The following FZR1 variants were observed in gnomAD, a reference collection of about 807,000 sequenced individuals.
FZR1 encodes fizzy-related protein homolog.
Under a neutral mutation model 63.6 loss-of-function variants are expected in FZR1, and 11 were observed. The observed-to-expected ratio is 0.17, with a 90% confidence interval of 0.11 to 0.29. FZR1 has a LOEUF of 0.29. FZR1 is among the 10% of genes least tolerant of loss of function. The pLI is 1.00. For missense variants in FZR1, 440 were observed against 687.5 expected (o/e 0.64, Z 4.03); for synonymous variants, 328 against 297.9 (o/e 1.10, Z -1.04).
intron 1 of FZR1, among the ~76,000 whole-genome samples, chr19:3,508,982 G>A (rs949063749): frequency 1.3e-5 from 2 of 152,172 alleles, no homozygotes; most frequent in Admixed American, 6.5e-5. Flanking sequence ...GCCCCCTGTT[G>A]GCACTGCCAC....
rs368026864 is a variant in FZR1 at position 3,527,831 on chromosome 19, G to T, written c.654+17G>T. On this transcript the variant is annotated intron_variant, in intron 7 of 13. Transcript: ENST00000441788. ...ACCAGCCAGGTGGGTGCTGCGTGGG[G>T]TGTGCATGTGCATGGGGGCCTCCCC... 4.3e-5 allele frequency: 69 copies of T among 1,592,358 alleles called. No homozygotes were observed. Among genetic ancestry groups the T allele is most frequent in the Non-Finnish European group, 5.5e-5 (64 of 1,163,882 alleles).
At chr19:3,518,968 G>A (rs1188895435) in intron 1 of FZR1, among the ~76,000 whole-genome samples, 1 of 152,242 alleles carries the variant, frequency 6.6e-6, no homozygotes, top group Non-Finnish European at 1.5e-5. Context: ...GCTCACTCCA[G>A]TGGGTGGGTG....
Position 3,506,494 on chromosome 19 carries a change from G to C in FZR1, c.-35+20G>C, listed in dbSNP as rs1410015212. On this transcript the variant is annotated intron_variant, in intron 1 of 13. Coordinates refer to ENST00000441788, the MANE Select transcript of FZR1 (RefSeq NM_016263.4). ...AGCCAGGTGAGGCGGCCGGGGTCGGGGACCCGCCCCCCGGGCCCTAGGCGG... is the reference window on the plus strand; with the variant it reads ...AGCCAGGTGAGGCGGCCGGGGTCGGCGACCCGCCCCCCGGGCCCTAGGCGG... 3 of 151,736 alleles carry C rather than the reference G, an allele frequency of 2.0e-5. No homozygotes were observed. Among genetic ancestry groups the C allele is most frequent in the Non-Finnish European group, 4.4e-5 (3 of 67,862 alleles). The allele number at this position is 151,736 out of a possible 1,614,324, so 9.4% of individuals were successfully genotyped here. A position where few individuals can be genotyped will look rare whatever the true frequency, so the allele number is the denominator to read the frequency against.
At position 3,532,667 on chromosome 19, in the gene FZR1, C is replaced by G; in HGVS notation, c.1242+17C>G. The stretch of plus-strand genomic sequence containing the variant: ...AACGAGCTGGTGAGCACGGGCGGCC[C>G]GGCCTCCCACCAGGCCTCAGGATGT... On this transcript the variant is annotated intron_variant, in intron 11 of 13. Transcript: ENST00000441788. 1.9e-6 allele frequency: 3 copies of G among 1,569,554 alleles called. No individual in the cohort carries two copies. The highest frequency in any genetic ancestry group is 2.3e-5 in the East Asian group (1 of 44,424).
chr19:3,522,533 G>A (rs2083112220), intron 1 of FZR1, among the ~76,000 whole-genome samples: 1 of 152,188 alleles, frequency 6.6e-6, no homozygotes, highest in African/African-American at 2.4e-5. Flanking sequence ...GCCAGCTCTT[G>A]CACACTGCCT....
chr19:3,523,571 C>CG (rs2083123498), intron 2 of FZR1, among the ~76,000 whole-genome samples: 1 of 152,338 alleles, frequency 6.6e-6, no homozygotes, highest in Admixed American at 6.5e-5. Context: ...CCGACTCCTG[C>CG]GGGGGGCTGA....
Position 3,530,867 on chromosome 19 carries a change from G to A in FZR1, c.720+10G>A. 6.2e-7 allele frequency: 1 copy of A among 1,608,472 alleles called. No homozygotes were observed. The highest frequency in any genetic ancestry group is 1.1e-5 in the South Asian group (1 of 90,676). On this transcript the variant is annotated intron_variant, in intron 8 of 13. Coordinates refer to ENST00000441788, the MANE Select transcript of FZR1 (RefSeq NM_016263.4). ...GGGCTGGTCTGAGCGGGTGAGTGCA[G>A]AGGGCTTGGCCCCCACCTGGGAGAT...
At position 3,525,186 on chromosome 19, in the gene FZR1, A is replaced by G. The variant is rs1268235063; in HGVS notation, c.70-682A>G. Among the ~76,000 whole-genome samples the G allele has an allele frequency of 1.3e-5, 2 of 152,072 alleles. No homozygotes were observed. The highest frequency in any genetic ancestry group is 1.3e-4 in the Admixed American group (2 of 15,278). On this transcript the variant is annotated intron_variant, in intron 2 of 13. Coordinates refer to ENST00000441788, the MANE Select transcript of FZR1 (RefSeq NM_016263.4). This position sits in a 1 kb window ranked among gnomAD's most constrained non-coding sequence, Gnocchi z 4.2. ...GTGATCATCTAGAGACGGTGAATGC[A>G]TGGCACCTGCGCAGCGTTGGGAGGG...
intron 13 of FZR1, 108 bp downstream of exon 13, chr19:3,534,621 C>G (rs934699360): frequency 4.4e-6 from 4 of 919,260 alleles, no homozygotes; most frequent in Admixed American, 2.0e-5. Context: ...CCCCCACTTC[C>G]GAGCTTCCCT....
chr19:3,508,061 A>G (rs1334277569), intron 1 of FZR1, among the ~76,000 whole-genome samples: 3 of 125,020 alleles, frequency 2.4e-5, no homozygotes, highest in East Asian at 2.7e-4. Flanking sequence ...CTTGCTTCCC[A>G]GGTCAAATTT....
At chr19:3,532,372 C>A in intron 10 of FZR1, 45 bp from the exon 11 acceptor site, 2 of 1,478,778 alleles carry the variant, frequency 1.4e-6, no homozygotes, top group Non-Finnish European at 1.8e-6. Context: ...GCCTATGGGA[C>A]CACAGGGCTG....
rs1256591959 is a variant in FZR1 at position 3,515,806 on chromosome 19, G to A, written c.-34-7150G>A. 2.6e-5 allele frequency among the ~76,000 whole-genome samples: 4 copies of A among 151,288 alleles called. No individual in the cohort carries two copies. Among genetic ancestry groups the A allele is most frequent in the Admixed American group, 2.6e-4 (4 of 15,182 alleles). On this transcript the variant is annotated intron_variant, in intron 1 of 13. Transcript: ENST00000441788. This position sits in a 1 kb window ranked among gnomAD's most constrained non-coding sequence, Gnocchi z 4.6. ...AAGGAATTCAAGAAGTACAAAACGA[G>A]GTGCCAGGAGAAATAAGGCTTCTTT...
At chr19:3,511,322 G>T (rs1490040598) in intron 1 of FZR1, among the ~76,000 whole-genome samples, 2 of 152,210 alleles carry the variant, frequency 1.3e-5, no homozygotes, top group Admixed American at 6.5e-5. Flanking sequence ...GGTGGGAGCT[G>T]CCCCCCACAC....
rs1256682382 is a variant in FZR1, at chr19:3,517,996, GCTAA to G, written c.-34-4957_-34-4954del. ...CTACAGATGTATGCCACCACACCCA[GCTAA>G]CTGTTTCTTTCTTTTTTTTTTTTTT... On this transcript the variant is annotated intron_variant, in intron 1 of 13. Transcript: ENST00000441788. Among the ~76,000 whole-genome samples the G allele has an allele frequency of 2.7e-5, 4 of 146,334 alleles. No individual in the cohort carries two copies. In the East Asian group the frequency reaches 8.2e-4, roughly 30 times the overall value.
chr19:3,509,386 T>G (rs2083008581), intron 1 of FZR1, among the ~76,000 whole-genome samples: 1 of 152,096 alleles, frequency 6.6e-6, no homozygotes, highest in Non-Finnish European at 1.5e-5. Context: ...ACACCCCCAC[T>G]CTCTCTTGGC....
At chr19:3,530,924 T>C in intron 8 of FZR1, 67 bp downstream of exon 8, 1 of 1,288,504 alleles carries the variant, frequency 7.8e-7, no homozygotes, top group Non-Finnish European at 1.1e-6. Flanking sequence ...TTGGGGGCCT[T>C]GAAGACCCAG....
rs568175263 is a variant in FZR1 at position 3,518,461 on chromosome 19, TCCCACCAGGACACGGGAAGGGCTGGGC to T, written c.-34-4488_-34-4462del. 1.3e-4 allele frequency among the ~76,000 whole-genome samples: 20 copies of T among 151,400 alleles called. No individual in the cohort carries two copies. The East Asian group carries it at 3.9e-3, about 29-fold the overall frequency. Reference sequence around the variant, plus strand: ...CTGAAAGTACAGAAGCCACAAAGGCTCCCACCAGGACACGGGAAGGGCTGGGCCCCACCTGCAAAGTCAGATCTGGAG... The same window carrying T: ...CTGAAAGTACAGAAGCCACAAAGGCTCCCACCTGCAAAGTCAGATCTGGAG... On this transcript the variant is annotated intron_variant, in intron 1 of 13. Coordinates refer to ENST00000441788, the MANE Select transcript of FZR1 (RefSeq NM_016263.4).
chr19:3,527,228 C>T (rs994472235), intron 6 of FZR1, among the ~76,000 whole-genome samples, 166 bp downstream of exon 6: 1 of 152,178 alleles, frequency 6.6e-6, no homozygotes, highest in Admixed American at 6.5e-5. Context: ...GTGTCCTCCC[C>T]CAGAGTCCTT....
rs2029895613 is a variant in FZR1 at position 3,535,184 on chromosome 19, A to G, written c.*348A>G. ...GCCTCCGTCTGTTCATCACCTGCCC[A>G]CCGGAGCCGCATGCTCTTCCTGGAA... is the stretch of plus-strand genomic sequence containing the variant. On this transcript the variant is annotated 3_prime_UTR_variant, in exon 14 of 14. Transcript: ENST00000441788. 8.4e-6 allele frequency: 3 copies of G among 357,896 alleles called. No homozygotes were observed. The highest frequency in any genetic ancestry group is 1.6e-5 in the Non-Finnish European group (3 of 188,884). 22.2% of individuals were successfully genotyped at this position (357,896 alleles called of 1,614,324 possible).
Sources: gnomAD v4.1 joint callset for allele counts (sites outside exome capture counted in the v4.1 genomes callset) on GRCh38, gnomAD v4.1.1 for gene constraint, Gnocchi (gnomAD v3.1) non-coding constraint, MANE v1.5 for transcripts, NCBI Gene and HGNC (gene_info 2026-07-23, HGNC 2026-07-21) for gene names.